Variants in ATP10B observed in about 807,000 individuals in gnomAD.
ATP10B encodes the protein phospholipid-transporting ATPase VB.
A neutral mutation model predicts 141.2 loss-of-function variants in ATP10B; 122 were observed. The ratio of observed to expected loss-of-function variants is 0.86; its 90% CI spans 0.75 to 1.00. The LOEUF (loss-of-function observed/expected upper bound fraction) is 1.00, where lower values mean the gene tolerates loss of function less well. ATP10B is among the 50% of genes least tolerant of loss of function. The pLI, the probability that ATP10B is intolerant of heterozygous loss-of-function variation, is 0.00. For missense variants in ATP10B, 1,876 were observed against 1,825.3 expected, an observed-to-expected ratio of 1.03 and a Z score of -0.51; for synonymous variants, 685 against 692.0, an observed-to-expected ratio of 0.99 and a Z score of 0.16.
the ATP10B span, among the ~76,000 whole-genome samples, chr5:160,873,590 G>A: frequency 6.6e-6 from 1 of 152,316 alleles, no homozygotes; most frequent in African/African-American, 2.4e-5. Flanking sequence ...CGACACAGAA[G>A]ACGGGTGATT....
rs150954167 is a variant in ATP10B at position 160,776,538 on chromosome 5, G to A, written c.-331+9021C>T. Among the ~76,000 whole-genome samples, 152 of 152,304 alleles carry A rather than the reference G, an allele frequency of 1.0e-3. 4 individuals are homozygous for A. The East Asian group carries it at 0.025, about 26-fold the overall frequency. ...AGCTGGTGTAACTGATATTTACAGA[G>A]GGCAAGAAATGTACCAGGTTGACAC... On this transcript the variant is annotated intron_variant, in intron 2 of 25. Coordinates refer to ENST00000327245, the MANE Select transcript of ATP10B (RefSeq NM_025153.3).
At chr5:160,708,722 A>C (rs1179654787) in intron 3 of ATP10B, among the ~76,000 whole-genome samples, 1 of 152,190 alleles carries the variant, frequency 6.6e-6, no homozygotes, top group African/African-American at 2.4e-5. Context: ...TTTGAGTTAA[A>C]TCTATTCCGC....
intron 2 of ATP10B, among the ~76,000 whole-genome samples, chr5:160,780,769 A>G (rs1247412228): frequency 1.3e-5 from 2 of 152,248 alleles, no homozygotes; most frequent in African/African-American, 4.8e-5. Context: ...TGGCATCATT[A>G]AAGTGACTAC....
intron 2 of ATP10B, among the ~76,000 whole-genome samples, chr5:160,735,364 A>G (rs1581436823): frequency 6.6e-6 from 1 of 152,266 alleles, no homozygotes; most frequent in African/African-American, 2.4e-5. Flanking sequence ...ATGTCAGACA[A>G]AATAGATTTC....
intron 3 of ATP10B, among the ~76,000 whole-genome samples, chr5:160,716,363 A>C (rs1314582293): frequency 6.6e-6 from 1 of 152,194 alleles, no homozygotes; most frequent in Non-Finnish European, 1.5e-5. Flanking sequence ...AACTCTCATA[A>C]CAACCCTGTG....
At chr5:160,717,059 G>A in intron 2 of ATP10B, 25 bp from the exon 3 acceptor site, 1 of 984,960 alleles carries the variant, frequency 1.0e-6, no homozygotes, top group Non-Finnish European at 1.2e-6. Context: ...AGAAAATATT[G>A]AGTAGGCAAC....
At chr5:160,777,941 C>A (rs1049264302) in intron 2 of ATP10B, among the ~76,000 whole-genome samples, 3 of 151,258 alleles carry the variant, frequency 2.0e-5, no homozygotes, top group Non-Finnish European at 4.4e-5. Context: ...GTGAAAAAAA[C>A]CACCTACAGA....
rs1757236191 is a variant in ATP10B, at chr5:160,603,950, T to C, written c.3237+15A>G. On this transcript the variant is annotated intron_variant, in intron 20 of 25. Transcript: ENST00000327245. Reference sequence around the variant, plus strand: ...TAAGGACCAAAGAAAGAAGAATAGTTGCAGAGAACAATACCTGCATGCCTT... The same window carrying C: ...TAAGGACCAAAGAAAGAAGAATAGTCGCAGAGAACAATACCTGCATGCCTT... 6.2e-7 allele frequency: 1 copy of C among 1,607,000 alleles called. No individual in the cohort carries two copies. The highest frequency in any genetic ancestry group is 8.5e-7 in the Non-Finnish European group (1 of 1,173,850).
At chr5:160,917,756 C>G in the ATP10B span, among the ~76,000 whole-genome samples, 1 of 152,204 alleles carries the variant, frequency 6.6e-6, no homozygotes, top group African/African-American at 2.4e-5. Flanking sequence ...GACCTATTTA[C>G]AAGCCACAAC....
At chr5:160,751,447 G>A (rs1469192425) in intron 2 of ATP10B, among the ~76,000 whole-genome samples, 1 of 152,218 alleles carries the variant, frequency 6.6e-6, no homozygotes, top group Non-Finnish European at 1.5e-5. Flanking sequence ...TAAGCAGGTA[G>A]TGGATCTGAG....
rs566126721 is a variant in ATP10B at position 160,662,083 on chromosome 5, T to C, written c.675+8380A>G. Among the ~76,000 whole-genome samples, 24 of 152,284 alleles carry C rather than the reference T, an allele frequency of 1.6e-4. No homozygotes were observed. The East Asian group carries it at 4.6e-3, about 29-fold the overall frequency. ...GAATAAAATAGCTAGGAATCCAACT[T>C]ACAAGGGATGTGAAGGAACTTTTCA... On this transcript the variant is annotated intron_variant, in intron 7 of 25. Transcript: ENST00000327245.
intron 2 of ATP10B, among the ~76,000 whole-genome samples, chr5:160,778,392 C>T (rs1354865582): frequency 1.3e-5 from 2 of 152,160 alleles, no homozygotes; most frequent in African/African-American, 2.4e-5. Context: ...TTTGATGACA[C>T]AAAGTGAAAG....
chr5:160,772,342 G>T (rs148500383), intron 2 of ATP10B, among the ~76,000 whole-genome samples: 1 of 152,286 alleles, frequency 6.6e-6, no homozygotes, highest in Non-Finnish European at 1.5e-5. Flanking sequence ...GTGCCAGGTT[G>T]ACTTTTCTTA....
intron 1 of ATP10B, among the ~76,000 whole-genome samples, chr5:160,806,171 ACT>A (rs548252319): frequency 1.7e-3 from 255 of 152,220 alleles, no homozygotes; most frequent in Admixed American, 2.7e-3. Flanking sequence ...TTCTGGAAAC[ACT>A]CTCACAGATA....
chr5:160,622,508 G>C lies in ATP10B; in HGVS notation c.1698C>G (p.Asp566Glu). The change falls in exon 14 of 26, where the codon GAC (aspartate) becomes GAG (glutamate). Residue 566 changes from aspartate (D) to glutamate (E), a missense_variant. By Grantham distance (45) the Asp-to-Glu change is conservative. Transcript: ENST00000327245. Reference sequence around the variant, plus strand: ...AGAGGGAAGCCTTGGCAGGTCTGCTGTCTGACAAGGTCTCCAACCACAGGG... The same window carrying C: ...AGAGGGAAGCCTTGGCAGGTCTGCTCTCTGACAAGGTCTCCAACCACAGGG... ...DAALWLETLS[D>E]SRPAKASLST... 1.2e-6 allele frequency: 2 copies of C among 1,614,108 alleles called. No homozygotes were observed. Among genetic ancestry groups the C allele is most frequent in the Non-Finnish European group, 1.7e-6 (2 of 1,179,994 alleles).
intron 17 of ATP10B, chr5:160,613,971 C>A (rs1040344591): frequency 6.6e-6 from 1 of 151,638 alleles, no homozygotes; most frequent in Non-Finnish European, 1.5e-5. Flanking sequence ...ACGTTGGATG[C>A]ATATTGAAAA....
intron 22 of ATP10B, 96 bp downstream of exon 22, chr5:160,598,673 AC>A: frequency 9.1e-7 from 1 of 1,104,036 alleles, no homozygotes; most frequent in South Asian, 1.5e-5. Context: ...CAGGCTTCTG[AC>A]CCCAGCATAC....
intron 6 of ATP10B, among the ~76,000 whole-genome samples, chr5:160,683,193 ACTAAATGTTAACT>A (rs1763539838): frequency 6.6e-6 from 1 of 152,180 alleles, no homozygotes; most frequent in Non-Finnish European, 1.5e-5. Context: ...GCGAGGAACG[ACTAAATGTTAACT>A]CTGGCTGTCC....
At chr5:160,680,099 C>T (rs1763277897) in intron 6 of ATP10B, among the ~76,000 whole-genome samples, 1 of 152,042 alleles carries the variant, frequency 6.6e-6, no homozygotes, top group Non-Finnish European at 1.5e-5. Context: ...TGTAAAAAGA[C>T]ATTTCCTCAC....
Sources: gnomAD v4.1 joint callset for allele counts (sites outside exome capture counted in the v4.1 genomes callset) on GRCh38, gnomAD v4.1.1 for gene constraint, MANE v1.5 for transcripts, NCBI Gene and HGNC (gene_info 2026-07-23, HGNC 2026-07-21) for gene names.